Variants in NRXN3 observed in about 807,000 individuals in gnomAD.
NRXN3 encodes the protein neurexin III.
In NRXN3, 32 loss-of-function variants were observed where a neutral mutation model predicts 137.6. That is an observed-to-expected ratio of 0.23 (90% CI 0.18 to 0.31). The LOEUF is 0.31. Among genes scored for constraint, NRXN3 ranks in the 10% least tolerant of loss-of-function variants. The pLI, the probability that NRXN3 is intolerant of heterozygous loss-of-function variation, is 1.00. For synonymous variants in NRXN3, 798 were observed against 784.5 expected (o/e 1.02, Z -0.29); for missense variants, 1,574 against 2,062.5 (o/e 0.76, Z 4.59).
intron 8 of NRXN3, among the ~76,000 whole-genome samples, chr14:78,741,973 T>C (rs1222390454): frequency 3.3e-5 from 5 of 152,184 alleles, no homozygotes; most frequent in Non-Finnish European, 7.4e-5. Flanking sequence ...AACCCTGGAA[T>C]GTTGGTGTCT....
At chr14:78,935,010 T>G (rs2099331477) in intron 10 of NRXN3, among the ~76,000 whole-genome samples, 1 of 152,026 alleles carries the variant, frequency 6.6e-6, no homozygotes, top group Admixed American at 6.6e-5. Flanking sequence ...TGGGCTTAAG[T>G]GTTCACTCAC....
chr14:79,334,575 A>G (rs999415899), intron 15 of NRXN3, among the ~76,000 whole-genome samples: 5 of 152,238 alleles, frequency 3.3e-5, no homozygotes, highest in African/African-American at 1.2e-4. Flanking sequence ...ATGGCCTTGT[A>G]GGTGAACAAA....
chr14:79,019,456 G>A (rs2099585055), intron 15 of NRXN3, among the ~76,000 whole-genome samples: 1 of 152,120 alleles, frequency 6.6e-6, no homozygotes, highest in East Asian at 1.9e-4. Flanking sequence ...AGTGATAAGG[G>A]CTATGAAGAC....
chr14:79,080,420 A>G (rs1443222543), intron 15 of NRXN3, among the ~76,000 whole-genome samples: 1 of 152,214 alleles, frequency 6.6e-6, no homozygotes, highest in African/African-American at 2.4e-5. Context: ...AGATTGTTTT[A>G]CCATAGATGG....
At chr14:79,661,552 T>C (rs771279556) in intron 16 of NRXN3, 3 of 152,120 alleles carry the variant, frequency 2.0e-5, no homozygotes, top group African/African-American at 7.2e-5. Context: ...TAGAAACCAG[T>C]GTCCCTCCCT....
intron 8 of NRXN3, chr14:78,744,481 G>T (rs1228761898): frequency 6.6e-6 from 1 of 152,174 alleles, no homozygotes; most frequent in Non-Finnish European, 1.5e-5. Flanking sequence ...TGGAGAAAAA[G>T]AGAATTTCAG....
intron 15 of NRXN3, among the ~76,000 whole-genome samples, chr14:79,435,253 C>CA (rs1195345655): frequency 6.8e-6 from 1 of 147,494 alleles, no homozygotes. Context: ...TGTCAATCGA[C>CA]AGGTGAATCA....
chr14:78,575,746 G>A (rs1406741518), intron 4 of NRXN3, among the ~76,000 whole-genome samples: 1 of 152,124 alleles, frequency 6.6e-6, no homozygotes, highest in African/African-American at 2.4e-5. Flanking sequence ...TAGTACAAGC[G>A]GGGGTGGTGG....
intron 5 of NRXN3, 32 bp downstream of exon 5, chr14:78,645,453 G>A: frequency 1.3e-6 from 2 of 1,529,926 alleles, no homozygotes; most frequent in South Asian, 2.5e-5. Flanking sequence ...TTCCTGGAAG[G>A]CTCATCTTAG....
intron 10 of NRXN3, among the ~76,000 whole-genome samples, chr14:78,901,210 G>T (rs902240673): frequency 3.3e-5 from 5 of 151,630 alleles, no homozygotes; most frequent in Non-Finnish European, 1.5e-5. Flanking sequence ...AATTTTCTCT[G>T]TATTTCTTGA....
intron 15 of NRXN3, among the ~76,000 whole-genome samples, chr14:79,434,749 A>G: frequency 6.6e-6 from 1 of 152,220 alleles, no homozygotes. Context: ...GGAAGCAGGC[A>G]TGGGATAGAA....
chr14:79,191,158 T>A (rs981662994), intron 15 of NRXN3, among the ~76,000 whole-genome samples: 1 of 152,188 alleles, frequency 6.6e-6, no homozygotes, highest in African/African-American at 2.4e-5. Flanking sequence ...GCCCATTGCA[T>A]GAGACACATG....
At chr14:79,039,737 A>AGTGCGGTG (rs1286899168) in intron 15 of NRXN3, among the ~76,000 whole-genome samples, 1 of 151,976 alleles carries the variant, frequency 6.6e-6, no homozygotes, top group African/African-American at 2.4e-5. Flanking sequence ...CCCAGGCTAG[A>AGTGCGGTG]GTGCGGTGGT....
At chr14:79,354,693 G>A (rs1244074359) in intron 15 of NRXN3, among the ~76,000 whole-genome samples, 1 of 152,182 alleles carries the variant, frequency 6.6e-6, no homozygotes. Context: ...AGGGTAAAGT[G>A]CAAACCTGGG....
chr14:79,658,066 G>A (rs2098515119), intron 16 of NRXN3, among the ~76,000 whole-genome samples: 1 of 151,962 alleles, frequency 6.6e-6, no homozygotes, highest in South Asian at 2.1e-4. Context: ...GATAAGTTAG[G>A]CCTACATAAA....
intron 20 of NRXN3, among the ~76,000 whole-genome samples, chr14:79,812,641 C>CAGTAA (rs1342953187): frequency 6.6e-6 from 1 of 151,960 alleles, no homozygotes; most frequent in Non-Finnish European, 1.5e-5. Flanking sequence ...TAGTACAGTT[C>CAGTAA]AGTAAAGTAA....
chr14:78,562,122 G>A lies in NRXN3; in HGVS notation c.758-82998G>A, dbSNP rs145168270. Among the ~76,000 whole-genome samples, 999 of 152,188 alleles carry A rather than the reference G, an allele frequency of 6.6e-3. 9 individuals are homozygous for A. The highest frequency in any genetic ancestry group is 0.023 in the African/African-American group (955 of 41,524). On this transcript the variant is annotated intron_variant, in intron 4 of 20. Transcript: ENST00000335750. ...GGTGGTTTAACGCTGAGGCAGGTGG[G>A]GCACGATGTCTCACGCCTGTAATCC... is the stretch of plus-strand genomic sequence containing the variant.
chr14:79,040,862 A>G (rs1026723369), intron 15 of NRXN3, among the ~76,000 whole-genome samples: 13 of 151,948 alleles, frequency 8.6e-5, no homozygotes, highest in Non-Finnish European at 1.6e-4. Flanking sequence ...ACATGTGTTG[A>G]GGTGGAATTT....
intron 15 of NRXN3, among the ~76,000 whole-genome samples, chr14:79,028,485 C>T (rs757875637): frequency 2.0e-5 from 3 of 152,126 alleles, no homozygotes; most frequent in Admixed American, 6.6e-5. Flanking sequence ...CAAGGTTAAA[C>T]GTCTGACTCA....
Sources: allele counts gnomAD v4.1 joint callset (sites outside exome capture counted in the v4.1 genomes callset), GRCh38; gene constraint gnomAD v4.1.1; transcripts MANE v1.5; gene names NCBI Gene and HGNC (gene_info 2026-07-23, HGNC 2026-07-21).